The following F9 variants were observed in gnomAD, a reference collection of about 807,000 sequenced individuals.
The protein encoded by F9 is Christmas factor.
Under a neutral mutation model 34.1 loss-of-function variants are expected in F9, and 2 were observed. That is an observed-to-expected ratio of 0.06 (90% CI 0.02 to 0.18). The LOEUF (loss-of-function observed/expected upper bound fraction) is 0.18. Ranked by LOEUF, F9 falls within the 10% of genes least tolerant of loss-of-function variation. The probability of loss-of-function intolerance (pLI) is 1.00; values close to 1 mark genes in which losing one functional copy is unlikely to be tolerated. For missense variants in F9, 216 were observed against 345.1 expected (o/e 0.63, Z 2.96); for synonymous variants, 137 against 118.8 (o/e 1.15, Z -1.00).
At chrX:139,539,487 G>T (rs1347841650) in intron 3 of F9, among the ~76,000 whole-genome samples, 1 of 112,331 alleles carries the variant, frequency 8.9e-6, no homozygotes, top group Non-Finnish European at 1.9e-5. Flanking sequence ...GACCCCAACT[G>T]TCTATGGCTT....
intron 4 of F9, among the ~76,000 whole-genome samples, chrX:139,546,244 A>C (rs1219500658): frequency 8.9e-6 from 1 of 112,197 alleles, no homozygotes; most frequent in Non-Finnish European, 1.9e-5. Flanking sequence ...ATTCCCACAA[A>C]AGACATAATC....
Position 139,530,808 on chromosome X carries a change from T to C in F9, c.44T>C (p.Ile15Thr). 1.7e-6 allele frequency: 2 copies of C among 1,211,223 alleles called. No individual in the cohort carries two copies. The highest frequency in any genetic ancestry group is 2.2e-5 in the Admixed American group (1 of 46,053). The change falls in exon 1 of 8, where the codon ATC becomes ACC. Residue 15 changes from isoleucine to threonine, a missense_variant. Coordinates refer to ENST00000218099, the MANE Select transcript of F9 (RefSeq NM_000133.4). Reference protein sequence around the residue: ...NMIMAESPGLITICLLGYLLS... With the variant: ...NMIMAESPGLTTICLLGYLLS... ...ATCATGGCAGAATCACCAGGCCTCA[T>C]CACCATCTGCCTTTTAGGATATCTA...
intron 1 of F9, among the ~76,000 whole-genome samples, chrX:139,536,356 C>T (rs1164474415): frequency 9.4e-6 from 1 of 106,339 alleles, no homozygotes; most frequent in Non-Finnish European, 2.0e-5. Context: ...CAGATAGAGA[C>T]ATCTATCCTC....
chrX:139,533,104 C>A (rs1398993665), intron 1 of F9, among the ~76,000 whole-genome samples: 3 of 110,818 alleles, frequency 2.7e-5, no homozygotes, highest in Non-Finnish European at 5.7e-5. Flanking sequence ...AAGGCTAGAA[C>A]CTGAACAGTA....
intron 4 of F9, among the ~76,000 whole-genome samples, chrX:139,542,088 AG>A (rs1285928804): frequency 8.9e-6 from 1 of 111,751 alleles, no homozygotes; most frequent in African/African-American, 3.3e-5. Flanking sequence ...GAAAATTAGC[AG>A]GACTCTATTA....
rs531425657 is a variant in F9, at chrX:139,541,023, C to T, written c.278-53C>T. Reference sequence around the variant, plus strand: ...CCAATGAGTATCTACAGGGGAGGACCGGGCATTCTAAGCAGTTTACGTGCC... The same window carrying T: ...CCAATGAGTATCTACAGGGGAGGACTGGGCATTCTAAGCAGTTTACGTGCC... On this transcript the variant is annotated intron_variant, in intron 3 of 7. Coordinates refer to ENST00000218099, the MANE Select transcript of F9 (RefSeq NM_000133.4). 54 of 911,570 alleles carry T rather than the reference C, an allele frequency of 5.9e-5. No homozygotes were observed. The African/African-American group carries it at 6.9e-4, about 12-fold the overall frequency. The allele number at this position is 911,570 out of a possible 1,213,427, so 75.1% of individuals were successfully genotyped here.
chrX:139,533,571 GAA>G (rs1286820633), intron 1 of F9, among the ~76,000 whole-genome samples: 1 of 112,130 alleles, frequency 8.9e-6, no homozygotes, highest in African/African-American at 3.2e-5. Flanking sequence ...TGAGTATTTG[GAA>G]CTCATTGTTC....
rs1205034825 is a variant in F9, at chrX:139,562,816, G to A, written c.*745G>A. The A allele has an allele frequency of 9.6e-6, 1 of 104,200 alleles. No homozygotes were observed. Among genetic ancestry groups the A allele is most frequent in the Non-Finnish European group, 2.0e-5 (1 of 51,142 alleles). 8.6% of individuals were successfully genotyped at this position (104,200 alleles called of 1,213,427 possible). On this transcript the variant is annotated 3_prime_UTR_variant, in exon 8 of 8. Coordinates refer to ENST00000218099, the MANE Select transcript of F9 (RefSeq NM_000133.4). ...GAAGTAAGGTGCCTGAAAAGTTTGGGGGAAAAGTTTCTTTCAGAGAGTTAA... is the reference window on the plus strand; with the variant it reads ...GAAGTAAGGTGCCTGAAAAGTTTGGAGGAAAAGTTTCTTTCAGAGAGTTAA...
In F9 at chrX:139,544,253, G is replaced by A. The variant is rs1289612721; in HGVS notation, c.391+3064G>A. On this transcript the variant is annotated intron_variant, in intron 4 of 7. Transcript: ENST00000218099. ...ACTTTCTACAGGTAATGTTTGATTT[G>A]GCTGAACACTTTAGCATTGCTTCGT... is the stretch of plus-strand genomic sequence containing the variant. Among the ~76,000 whole-genome samples the A allele has an allele frequency of 3.6e-5, 4 of 111,705 alleles. No individual in the cohort carries two copies. In the East Asian group the frequency reaches 1.1e-3, roughly 31 times the overall value.
chrX:139,548,047 G>T (rs1203963188), intron 4 of F9, among the ~76,000 whole-genome samples: 3 of 111,775 alleles, frequency 2.7e-5, no homozygotes, highest in Admixed American at 9.5e-5. Flanking sequence ...TGTATTTTTT[G>T]AATATATGTT....
rs1037525526 is a variant in F9, at chrX:139,551,675, G to C, written c.723+411G>C. ...AAGGGGGTAAAGAAAGGGACTCAAG[G>C]AGGAAGGATTAAGGCAAGAACTAGG... On this transcript the variant is annotated intron_variant, in intron 6 of 7. Coordinates refer to ENST00000218099, the MANE Select transcript of F9 (RefSeq NM_000133.4). Among the ~76,000 whole-genome samples, 9 of 111,138 alleles carry C rather than the reference G, an allele frequency of 8.1e-5. No homozygotes were observed. In the Admixed American group the frequency reaches 8.6e-4, roughly 11 times the overall value.
chrX:139,547,613 C>T (rs1490496403), intron 4 of F9: 1 of 110,864 alleles, frequency 9.0e-6, no homozygotes, highest in Non-Finnish European at 1.9e-5. Flanking sequence ...GTTTATGTCA[C>T]CAAAAGATAT....
In F9 at chrX:139,562,299, C is replaced by G. The variant is rs1928141452; in HGVS notation, c.*228C>G. 2.6e-6 allele frequency: 1 copy of G among 388,308 alleles called. No individual in the cohort carries two copies. The highest frequency in any genetic ancestry group is 4.4e-6 in the Non-Finnish European group (1 of 224,826). The allele number at this position is 388,308 out of a possible 1,213,427, so 32.0% of individuals were successfully genotyped here. A position where few individuals can be genotyped will look rare whatever the true frequency, so the allele number is the denominator to read the frequency against. On this transcript the variant is annotated 3_prime_UTR_variant, in exon 8 of 8. Coordinates refer to ENST00000218099, the MANE Select transcript of F9 (RefSeq NM_000133.4). The stretch of plus-strand genomic sequence containing the variant: ...GGAAATTACAGTCATTTCTAAGGGC[C>G]CAGCCCTTGACAAAATTGTGAAGTT...
chrX:139,550,498 T>A (rs758667940), intron 5 of F9, among the ~76,000 whole-genome samples: 1 of 112,052 alleles, frequency 8.9e-6, no homozygotes, highest in South Asian at 3.8e-4. Flanking sequence ...TGAATATGGC[T>A]GTGATAATTA....
intron 1 of F9, among the ~76,000 whole-genome samples, chrX:139,532,062 T>C (rs756718121): frequency 2.7e-5 from 3 of 112,051 alleles, no homozygotes; most frequent in Non-Finnish European, 3.8e-5. Flanking sequence ...AGAGGGCTTC[T>C]GCCCCCTTGA....
At chrX:139,536,216 C>CATATATATGTACACATATATGT (rs1927464839) in intron 1 of F9, among the ~76,000 whole-genome samples, 9 of 89,257 alleles carry the variant, frequency 1.0e-4, no homozygotes, top group Non-Finnish European at 2.0e-4. Flanking sequence ...TATACACACA[C>CATATATATGTACACATATATGT]ATATATATGT....
intron 7 of F9, 124 bp downstream of exon 7, chrX:139,560,979 C>A: frequency 1.7e-6 from 1 of 580,734 alleles, no homozygotes; most frequent in South Asian, 2.4e-5. Context: ...GCAGAAGGGT[C>A]ATAATTTCAG....
At chrX:139,551,778 C>T (rs942145298) in intron 6 of F9, among the ~76,000 whole-genome samples, 3 of 111,280 alleles carry the variant, frequency 2.7e-5, no homozygotes, top group African/African-American at 6.6e-5. Flanking sequence ...CACCTGGGAA[C>T]GTAGAAATGC....
intron 6 of F9, among the ~76,000 whole-genome samples, chrX:139,556,648 GT>G (rs758626810): frequency 2.7e-5 from 3 of 112,239 alleles, no homozygotes; most frequent in Non-Finnish European, 5.6e-5. Context: ...AAATAAGAAC[GT>G]GACATGTGTA....
Sources: allele counts gnomAD v4.1 joint callset (sites outside exome capture counted in the v4.1 genomes callset), GRCh38; gene constraint gnomAD v4.1.1; transcripts MANE v1.5; gene names NCBI Gene and HGNC (gene_info 2026-07-23, HGNC 2026-07-21).